MTHFD2L: variants seen among roughly 807,000 people sequenced by gnomAD.
The protein encoded by MTHFD2L is methylenetetrahydrofolate dehydrogenase (NADP+ dependent) 2 like, also known as bifunctional methylenetetrahydrofolate dehydrogenase/cyclohydrolase 2, mitochondrial.
A neutral mutation model predicts 34.9 loss-of-function variants in MTHFD2L; 29 were observed. That is an observed-to-expected ratio of 0.83 (90% CI 0.62 to 1.13). The LOEUF is 1.13. Ranked by LOEUF, MTHFD2L falls within the 50% of genes most tolerant of loss-of-function variation. MTHFD2L has a pLI of 0.00. For missense variants in MTHFD2L, 481 were observed against 446.5 expected, an observed-to-expected ratio of 1.08 and a Z score of -0.70; for synonymous variants, 167 against 155.7, an observed-to-expected ratio of 1.07 and a Z score of -0.54.
At chr4:74,235,457 G>A (rs1740703675) in intron 6 of MTHFD2L, among the ~76,000 whole-genome samples, 2 of 152,260 alleles carry the variant, frequency 1.3e-5, no homozygotes, top group South Asian at 4.1e-4. Flanking sequence ...CAATGTGAAT[G>A]TGTTGAGTTG....
chr4:74,185,433 G>A (rs1312036185), intron 3 of MTHFD2L, among the ~76,000 whole-genome samples: 5 of 151,708 alleles, frequency 3.3e-5, no homozygotes, highest in Admixed American at 3.3e-4. Context: ...GAACATCAGA[G>A]CAAATTAAAC....
At chr4:74,161,012 A>G (rs1036509891) in intron 1 of MTHFD2L, 3 of 152,290 alleles carry the variant, frequency 2.0e-5, no homozygotes, top group African/African-American at 2.4e-5. Flanking sequence ...TGAATCCTCA[A>G]ATCGTTAATT....
intron 6 of MTHFD2L, chr4:74,241,657 C>A: frequency 2.4e-6 from 1 of 416,396 alleles, no homozygotes; most frequent in South Asian, 1.7e-5. Flanking sequence ...AGATTACAGG[C>A]ATGAGCCACC....
chr4:74,154,085 T>A (rs905141416), upstream of MTHFD2L, among the ~76,000 whole-genome samples: 1 of 152,202 alleles, frequency 6.6e-6, no homozygotes, highest in Non-Finnish European at 1.5e-5. Flanking sequence ...TTTTGAGACA[T>A]ACTCTTCGGG....
At chr4:74,192,250 G>A (rs183327652) in intron 3 of MTHFD2L, among the ~76,000 whole-genome samples, 88 of 152,140 alleles carry the variant, frequency 5.8e-4, no homozygotes, top group Non-Finnish European at 1.0e-3. Context: ...TTATCTGACC[G>A]CCTCCCAACA....
chr4:74,227,751 G>A (rs910847273), intron 6 of MTHFD2L, among the ~76,000 whole-genome samples: 4 of 152,074 alleles, frequency 2.6e-5, no homozygotes, highest in African/African-American at 9.7e-5. Context: ...AGATCAACAT[G>A]GTCTGACTTA....
intron 6 of MTHFD2L, among the ~76,000 whole-genome samples, chr4:74,249,847 T>C (rs1743054733): frequency 1.3e-5 from 2 of 152,220 alleles, no homozygotes; most frequent in African/African-American, 4.8e-5. Flanking sequence ...TGCTGAGAGA[T>C]CCACTGTTAG....
intron 6 of MTHFD2L, among the ~76,000 whole-genome samples, chr4:74,280,020 G>A (rs1159314338): frequency 2.0e-5 from 3 of 152,048 alleles, no homozygotes; most frequent in Non-Finnish European, 2.9e-5. Context: ...TAGTACAGGT[G>A]CTAGAATGTC....
intron 7 of MTHFD2L, among the ~76,000 whole-genome samples, chr4:74,290,853 C>T (rs1024371108): frequency 5.3e-5 from 8 of 151,866 alleles, no homozygotes; most frequent in African/African-American, 1.9e-4. Context: ...TGCTTATTCC[C>T]ATCTTCTCCT....
intron 7 of MTHFD2L, among the ~76,000 whole-genome samples, chr4:74,284,477 T>C (rs984516202): frequency 6.6e-6 from 1 of 152,118 alleles, no homozygotes; most frequent in Non-Finnish European, 1.5e-5. Context: ...ATAAATGTCT[T>C]CTTTTGAGAA....
chr4:74,235,785 T>G (rs1220197187), intron 6 of MTHFD2L, among the ~76,000 whole-genome samples: 1 of 152,162 alleles, frequency 6.6e-6, no homozygotes, highest in Non-Finnish European at 1.5e-5. Flanking sequence ...CAATTGATCG[T>G]ATAAGAAAAA....
At chr4:74,283,197 A>G (rs1286950280) in intron 7 of MTHFD2L, among the ~76,000 whole-genome samples, 1 of 152,190 alleles carries the variant, frequency 6.6e-6, no homozygotes, top group Non-Finnish European at 1.5e-5. Context: ...CCAGCAGTTC[A>G]GTCCAGCACA....
intron 7 of MTHFD2L, among the ~76,000 whole-genome samples, chr4:74,298,187 A>C (rs1749857574): frequency 6.6e-6 from 1 of 152,110 alleles, no homozygotes; most frequent in African/African-American, 2.4e-5. Flanking sequence ...GATTTAAGCA[A>C]GTATTTTAAT....
chr4:74,239,791 G>A (rs887430264), intron 6 of MTHFD2L, among the ~76,000 whole-genome samples: 1 of 152,004 alleles, frequency 6.6e-6, no homozygotes, highest in African/African-American at 2.4e-5. Flanking sequence ...TGTAAAAAGG[G>A]GCAAGTGCAT....
At chr4:74,245,478 A>T (rs534871141) in intron 6 of MTHFD2L, among the ~76,000 whole-genome samples, 3 of 138,814 alleles carry the variant, frequency 2.2e-5, no homozygotes. Flanking sequence ...TGGATTTTCA[A>T]TAATTTTTTT....
intron 7 of MTHFD2L, among the ~76,000 whole-genome samples, chr4:74,299,774 A>G (rs1750063824): frequency 6.6e-6 from 1 of 152,004 alleles, no homozygotes; most frequent in Non-Finnish European, 1.5e-5. Flanking sequence ...CACCACAATG[A>G]CTTGGCTTCT....
At chr4:74,228,732 G>A (rs1480186953) in intron 6 of MTHFD2L, among the ~76,000 whole-genome samples, 1 of 152,066 alleles carries the variant, frequency 6.6e-6, no homozygotes, top group Non-Finnish European at 1.5e-5. Flanking sequence ...AAGAAGACAG[G>A]AAAAGAAAAA....
chr4:74,248,414 A>G (rs1399308466), intron 6 of MTHFD2L, among the ~76,000 whole-genome samples: 1 of 151,790 alleles, frequency 6.6e-6, no homozygotes, highest in African/African-American at 2.4e-5. Context: ...AATTTTGTTG[A>G]TCCTTTCAAA....
intron 1 of MTHFD2L, among the ~76,000 whole-genome samples, chr4:74,127,093 TTCCTGAGGCCTCCC>T (rs551677778): frequency 0.011 from 1,665 of 152,256 alleles, 28 homozygotes; most frequent in African/African-American, 0.038. Flanking sequence ...GATTGTAAGT[TTCCTGAGGCCTCCC>T]CGGCCCTGCC....
Sources: gnomAD v4.1 joint callset for allele counts (sites outside exome capture counted in the v4.1 genomes callset) on GRCh38, gnomAD v4.1.1 for gene constraint, MANE v1.5 for transcripts, NCBI Gene and HGNC (gene_info 2026-07-23, HGNC 2026-07-21) for gene names.